The following ERC2 variants were observed in gnomAD, a reference collection of about 807,000 sequenced individuals.
The protein encoded by ERC2 is ELKS/RAB6-interacting/CAST family member 2.
In ERC2, 42 loss-of-function variants were observed where a neutral mutation model predicts 114.8. That is an observed-to-expected ratio of 0.37 (90% CI 0.29 to 0.47). ERC2 has a LOEUF of 0.47. ERC2 is among the 20% of genes least tolerant of loss of function. The pLI is 0.99. For synonymous variants in ERC2, 454 were observed against 425.5 expected (o/e 1.07, Z -0.82); for missense variants, 939 against 1,150.7 (o/e 0.82, Z 2.66).
Position 55,793,971 on chromosome 3 carries a change from G to T in ERC2, c.2565-59053C>A, listed in dbSNP as rs139352695. Among the ~76,000 whole-genome samples the T allele has an allele frequency of 3.0e-3, 452 of 152,310 alleles. 4 individuals are homozygous for T. The highest frequency in any genetic ancestry group is 0.01 in the African/African-American group (431 of 41,580). ...CTCTGCAACATAGGCACACAGATTA[G>T]AATTTCTTTCTGGACCTTTAAAATA... is the stretch of plus-strand genomic sequence containing the variant. On this transcript the variant is annotated intron_variant, in intron 14 of 17. Transcript: ENST00000288221.
chr3:55,868,716 C>T (rs1229988971), intron 14 of ERC2, among the ~76,000 whole-genome samples: 1 of 152,214 alleles, frequency 6.6e-6, no homozygotes, highest in African/African-American at 2.4e-5. Context: ...GGGGCAGAGG[C>T]CCGTTTTGGC....
intron 1 of ERC2, among the ~76,000 whole-genome samples, chr3:56,450,856 T>C (rs72875362): frequency 0.039 from 5,979 of 152,144 alleles, 280 homozygotes; most frequent in African/African-American, 0.11. Flanking sequence ...ATTTTAAAAA[T>C]GGCAAAATCC....
intron 5 of ERC2, among the ~76,000 whole-genome samples, chr3:56,142,837 T>C: frequency 6.9e-6 from 1 of 144,152 alleles, no homozygotes; most frequent in Non-Finnish European, 1.5e-5. Context: ...TGTGTACTAG[T>C]TTTTTTTTTT....
chr3:55,955,435 T>C (rs1287065773), intron 12 of ERC2, among the ~76,000 whole-genome samples: 1 of 152,176 alleles, frequency 6.6e-6, no homozygotes, highest in African/African-American at 2.4e-5. Flanking sequence ...CTCTAATCTT[T>C]ATTTATATGG....
intron 4 of ERC2, 118 bp from the exon 5 acceptor site, chr3:56,149,250 A>G: frequency 1.1e-6 from 1 of 924,460 alleles, no homozygotes; most frequent in Non-Finnish European, 1.6e-6. Context: ...ACCATGGTAT[A>G]GACAGCCCTG....
intron 14 of ERC2, among the ~76,000 whole-genome samples, chr3:55,822,787 G>A (rs2060181730): frequency 1.3e-5 from 2 of 151,920 alleles, no homozygotes; most frequent in African/African-American, 4.8e-5. Context: ...CTAATTTTTT[G>A]TATTTTTGGT....
At chr3:55,937,320 G>C (rs1454659799) in intron 13 of ERC2, among the ~76,000 whole-genome samples, 3 of 152,218 alleles carry the variant, frequency 2.0e-5, no homozygotes, top group Non-Finnish European at 2.9e-5. Flanking sequence ...CTGCACTCTA[G>C]CCTGGGTGAC....
At chr3:55,747,128 A>G (rs2066359170) in intron 14 of ERC2, among the ~76,000 whole-genome samples, 1 of 152,214 alleles carries the variant, frequency 6.6e-6, no homozygotes, top group African/African-American at 2.4e-5. Context: ...CACATGGGAG[A>G]GAGATCCATG....
At chr3:55,941,355 C>T (rs1406073289) in intron 13 of ERC2, among the ~76,000 whole-genome samples, 2 of 152,170 alleles carry the variant, frequency 1.3e-5, no homozygotes, top group African/African-American at 4.8e-5. Context: ...TGTGCTTTCC[C>T]TGAGAGCTGC....
At chr3:55,665,224 T>C (rs1319176381) in intron 17 of ERC2, among the ~76,000 whole-genome samples, 1 of 152,174 alleles carries the variant, frequency 6.6e-6, no homozygotes, top group Non-Finnish European at 1.5e-5. Flanking sequence ...GCAGCGCTCT[T>C]TCCACTGTTC....
At chr3:56,318,332 T>C (rs1015663752) in intron 2 of ERC2, among the ~76,000 whole-genome samples, 4 of 152,042 alleles carry the variant, frequency 2.6e-5, no homozygotes, top group Admixed American at 6.5e-5. Context: ...TGTGCCACCA[T>C]GCCGAGCTAA....
intron 14 of ERC2, among the ~76,000 whole-genome samples, chr3:55,752,293 T>C (rs1312286381): frequency 2.0e-5 from 3 of 152,176 alleles, no homozygotes; most frequent in African/African-American, 7.2e-5. Flanking sequence ...AAGGGGTCTA[T>C]TTCTATGGTG....
At chr3:56,432,111 C>T (rs748573123) in intron 2 of ERC2, among the ~76,000 whole-genome samples, 1 of 152,184 alleles carries the variant, frequency 6.6e-6, no homozygotes, top group Non-Finnish European at 1.5e-5. Flanking sequence ...TAAAATGTAT[C>T]TCAATGTATT....
chr3:56,220,368 A>C (rs1276580223), intron 3 of ERC2, among the ~76,000 whole-genome samples: 8 of 152,198 alleles, frequency 5.3e-5, no homozygotes, highest in African/African-American at 1.9e-4. Context: ...GCTGCCTACA[A>C]TATGGGTCTG....
At chr3:56,123,397 A>T (rs185433301) in intron 6 of ERC2, among the ~76,000 whole-genome samples, 8 of 152,160 alleles carry the variant, frequency 5.3e-5, no homozygotes, top group Admixed American at 4.6e-4. Flanking sequence ...CCAGACATGG[A>T]GCCTGCTAGG....
chr3:56,247,522 AC>A (rs993812365), intron 3 of ERC2, among the ~76,000 whole-genome samples: 1 of 152,232 alleles, frequency 6.6e-6, no homozygotes, highest in African/African-American at 2.4e-5. Context: ...GCAAAGGCAA[AC>A]TTTTGCCCAG....
chr3:55,592,463 C>G (rs1423537785), intron 17 of ERC2, among the ~76,000 whole-genome samples: 1 of 152,082 alleles, frequency 6.6e-6, no homozygotes, highest in Non-Finnish European at 1.5e-5. Context: ...ATCGATTTCT[C>G]CATGCTGGTA....
chr3:55,545,325 T>C (rs923753343), intron 17 of ERC2, among the ~76,000 whole-genome samples: 2 of 152,156 alleles, frequency 1.3e-5, no homozygotes, highest in African/African-American at 4.8e-5. Context: ...TCCAATTACA[T>C]GACTCCACTG....
At chr3:56,119,608 T>C (rs2079458256) in intron 6 of ERC2, among the ~76,000 whole-genome samples, 1 of 152,250 alleles carries the variant, frequency 6.6e-6, no homozygotes, top group Non-Finnish European at 1.5e-5. Flanking sequence ...ACTTGATTAA[T>C]ATCTTTCTCT....
Sources: gnomAD v4.1 joint callset for allele counts (sites outside exome capture counted in the v4.1 genomes callset) on GRCh38, gnomAD v4.1.1 for gene constraint, MANE v1.5 for transcripts, NCBI Gene and HGNC (gene_info 2026-07-23, HGNC 2026-07-21) for gene names.